The following RORA variants were observed in gnomAD, a reference collection of about 807,000 sequenced individuals.
RORA encodes the protein nuclear receptor ROR-alpha.
A neutral mutation model predicts 69.5 loss-of-function variants in RORA; 7 were observed. The observed-to-expected ratio is 0.10, with a 90% CI of 0.06 to 0.19. RORA has a LOEUF of 0.19. Ranked by LOEUF, RORA falls within the 10% of genes least tolerant of loss-of-function variation. The pLI is 1.00. For synonymous variants in RORA, 261 were observed against 240.8 expected, an observed-to-expected ratio of 1.08 and a Z score of -0.78; for missense variants, 457 against 663.0, an observed-to-expected ratio of 0.69 and a Z score of 3.41.
intron 1 of RORA, among the ~76,000 whole-genome samples, chr15:60,711,004 G>T (rs1254854176): frequency 1.3e-5 from 2 of 152,212 alleles, no homozygotes; most frequent in Non-Finnish European, 2.9e-5. Flanking sequence ...GCTTAACACT[G>T]CTGGGAAGTG....
intron 1 of RORA, among the ~76,000 whole-genome samples, chr15:60,915,293 A>G (rs1014609854): frequency 6.6e-6 from 1 of 151,934 alleles, no homozygotes; most frequent in Non-Finnish European, 1.5e-5. Context: ...TCTTTCCCCA[A>G]TAAGTGGTCT....
At chr15:61,208,789 A>G (rs1474592370) in intron 1 of RORA, among the ~76,000 whole-genome samples, 2 of 152,182 alleles carry the variant, frequency 1.3e-5, no homozygotes, top group Non-Finnish European at 2.9e-5. Context: ...TTACTTGTCC[A>G]GTGTATTCTT....
chr15:60,971,616 C>T lies in RORA; in HGVS notation c.166+257437G>A, dbSNP rs374316785. ...TTTTCCTCTTCCCCTGTATCATTCT[C>T]GACCTCAGAACTAACCTTTCTGTTT... On this transcript the variant is annotated intron_variant, in intron 1 of 10. Coordinates refer to ENST00000335670, the MANE Select transcript of RORA (RefSeq NM_134261.3). Among the ~76,000 whole-genome samples, 3 of 152,224 alleles carry T rather than the reference C, an allele frequency of 2.0e-5. No homozygotes were observed. The South Asian group carries it at 6.2e-4, about 32-fold the overall frequency.
intron 1 of RORA, among the ~76,000 whole-genome samples, chr15:61,179,384 A>G (rs1386516870): frequency 6.6e-6 from 1 of 152,248 alleles, no homozygotes; most frequent in East Asian, 1.9e-4. Context: ...CATAAAAGAG[A>G]TACGCAAAAA....
At chr15:60,863,475 T>C (rs11071563) in intron 1 of RORA, among the ~76,000 whole-genome samples, 63,723 of 152,118 alleles carry the variant, frequency 0.42, 13,888 homozygotes, top group Non-Finnish European at 0.49. Flanking sequence ...TTATATAGAA[T>C]GAACAGCACT....
intron 2 of RORA, among the ~76,000 whole-genome samples, chr15:60,614,251 C>T (rs1179764241): frequency 2.6e-5 from 4 of 152,092 alleles, no homozygotes; most frequent in Non-Finnish European, 5.9e-5. Flanking sequence ...GAGTACTTTC[C>T]TCCTAATCGC....
chr15:61,027,514 C>A (rs554374186), intron 1 of RORA, among the ~76,000 whole-genome samples: 3 of 152,178 alleles, frequency 2.0e-5, no homozygotes, highest in Admixed American at 2.0e-4. Context: ...TTATCCCCAT[C>A]TTTAAAATTA....
chr15:60,886,259 A>C (rs2073748709), intron 1 of RORA, among the ~76,000 whole-genome samples: 1 of 152,198 alleles, frequency 6.6e-6, no homozygotes, highest in African/African-American at 2.4e-5. Context: ...AGTTCTAAGA[A>C]TTGAGATGGT....
chr15:61,061,999 G>A lies in RORA; in HGVS notation c.166+167054C>T, dbSNP rs2078193656. 1.3e-5 allele frequency among the ~76,000 whole-genome samples: 2 copies of A among 152,172 alleles called. No homozygotes were observed. The highest frequency in any genetic ancestry group is 2.9e-5 in the Non-Finnish European group (2 of 68,024). ...AATCCCTTGAACCTAGGAGACGGAGGTTGCAGTGAGCTGGGATTGTGCCAC... is the reference window on the plus strand; with the variant it reads ...AATCCCTTGAACCTAGGAGACGGAGATTGCAGTGAGCTGGGATTGTGCCAC... On this transcript the variant is annotated intron_variant, in intron 1 of 10. Coordinates refer to ENST00000335670, the MANE Select transcript of RORA (RefSeq NM_134261.3). This position sits in a 1 kb window ranked among gnomAD's most constrained non-coding sequence, Gnocchi z 4.4.
chr15:60,618,745 C>A (rs1291755260), intron 2 of RORA, among the ~76,000 whole-genome samples: 1 of 152,194 alleles, frequency 6.6e-6, no homozygotes, highest in Non-Finnish European at 1.5e-5. Context: ...ATCCCCTTCT[C>A]ACTCTCCAAA....
chr15:60,790,353 A>T (rs1013892018), intron 1 of RORA, among the ~76,000 whole-genome samples: 13 of 152,218 alleles, frequency 8.5e-5, no homozygotes, highest in African/African-American at 2.4e-5. Context: ...AGAAACCTTA[A>T]CTCAACTACA....
At chr15:60,793,407 T>C (rs1380700998) in intron 1 of RORA, among the ~76,000 whole-genome samples, 1 of 152,210 alleles carries the variant, frequency 6.6e-6, no homozygotes, top group Non-Finnish European at 1.5e-5. Context: ...ATGGCTGAAG[T>C]AATCAAATGA....
intron 2 of RORA, among the ~76,000 whole-genome samples, chr15:60,669,349 TTGTTTG>T (rs1567148766): frequency 3.5e-4 from 53 of 150,598 alleles, no homozygotes; most frequent in Non-Finnish European, 7.0e-4. Flanking sequence ...TTTTGTTTGT[TTGTTTG>T]TTTGTTTGTT....
intron 1 of RORA, among the ~76,000 whole-genome samples, chr15:60,875,104 A>G (rs2073598976): frequency 6.6e-6 from 1 of 152,164 alleles, no homozygotes; most frequent in Admixed American, 6.5e-5. Context: ...CTAGACCCCT[A>G]GCTTACTGAC....
At chr15:60,609,819 C>T (rs1476424013) in intron 2 of RORA, among the ~76,000 whole-genome samples, 2 of 152,294 alleles carry the variant, frequency 1.3e-5, no homozygotes, top group East Asian at 3.9e-4. Flanking sequence ...AGGGAATGGC[C>T]TCTTCTTCAG....
intron 1 of RORA, among the ~76,000 whole-genome samples, chr15:60,939,079 T>G (rs1457348046): frequency 6.6e-6 from 1 of 152,202 alleles, no homozygotes; most frequent in Non-Finnish European, 1.5e-5. Context: ...GCCATCTTCC[T>G]CTCTCAGACC....
chr15:60,794,087 A>G (rs1459280638), intron 1 of RORA, among the ~76,000 whole-genome samples: 1 of 152,176 alleles, frequency 6.6e-6, no homozygotes, highest in Non-Finnish European at 1.5e-5. Context: ...CGTGTGTTCA[A>G]CTGTTTCTTT....
chr15:60,862,076 T>A (rs1023355515), intron 1 of RORA, among the ~76,000 whole-genome samples: 3 of 152,252 alleles, frequency 2.0e-5, no homozygotes, highest in African/African-American at 7.2e-5. Context: ...TCCATTCACA[T>A]CTAAGGCAAC....
At chr15:60,974,355 C>T (rs1055795323) in intron 1 of RORA, among the ~76,000 whole-genome samples, 15 of 152,204 alleles carry the variant, frequency 9.9e-5, no homozygotes, top group Non-Finnish European at 1.8e-4. Context: ...CCCTTGCCAG[C>T]TCATTTCAGT....
Sources: gnomAD v4.1 joint callset for allele counts (sites outside exome capture counted in the v4.1 genomes callset) on GRCh38, gnomAD v4.1.1 for gene constraint, Gnocchi (gnomAD v3.1) non-coding constraint, MANE v1.5 for transcripts, NCBI Gene and HGNC (gene_info 2026-07-23, HGNC 2026-07-21) for gene names.